Variants in HID1 observed in about 807,000 individuals in gnomAD.
HID1 encodes HID1 domain containing.
Under a neutral mutation model 89.7 loss-of-function variants are expected in HID1, and 42 were observed. That is an observed-to-expected ratio of 0.47 (90% CI 0.37 to 0.61). The LOEUF is 0.61. HID1 is among the 20% of genes least tolerant of loss of function. HID1 has a pLI of 0.00. For missense variants in HID1, 854 were observed against 1,039.3 expected, an observed-to-expected ratio of 0.82 and a Z score of 2.45; for synonymous variants, 442 against 433.8, an observed-to-expected ratio of 1.02 and a Z score of -0.24.
At chr17:74,971,572 G>C (rs936243081) in intron 1 of HID1, among the ~76,000 whole-genome samples, 1 of 152,184 alleles carries the variant, frequency 6.6e-6, no homozygotes, top group African/African-American at 2.4e-5. Context: ...CCAGCAGCAA[G>C]AGAGAGCCCT....
intron 12 of HID1, chr17:74,957,878 C>T (rs1165324036): frequency 8.9e-6 from 4 of 449,346 alleles, no homozygotes; most frequent in African/African-American, 4.0e-5. Context: ...CCAGCCTGGG[C>T]GACAAGACTG....
At position 74,955,859 on chromosome 17, in the gene HID1, G is replaced by A. The variant is rs775881349; in HGVS notation, c.1569C>T (p.Ala523=). The A allele has an allele frequency of 3.0e-5, 49 of 1,614,060 alleles. No individual in the cohort carries two copies. Among genetic ancestry groups the A allele is most frequent in the Non-Finnish European group, 3.6e-5 (43 of 1,180,038 alleles). ...GGAAGAAGACCAGGTGGTGGTTCTG[G>A]GCGGCAGAGAAGAGGAACCAGGTGG... The part of the protein sequence containing the change: ...FSTTWFLFSA[A]QNHHLVFFLL... The change falls in exon 13 of 19, where the codon GCC becomes GCT. Residue 523 remains alanine, a synonymous_variant. Transcript: ENST00000425042.
chr17:74,963,286 G>A (rs190105830), intron 3 of HID1: 154 of 555,218 alleles, frequency 2.8e-4, no homozygotes, highest in African/African-American at 1.9e-3. Flanking sequence ...CGGGAACAGC[G>A]AGGGAACCTC....
chr17:74,968,706 A>G (rs1335382130), intron 1 of HID1, among the ~76,000 whole-genome samples: 1 of 152,114 alleles, frequency 6.6e-6, no homozygotes, highest in East Asian at 1.9e-4. Context: ...GTAAGGAAGG[A>G]CATCCCAGGA....
At chr17:74,971,379 A>T (rs191281543) in intron 1 of HID1, among the ~76,000 whole-genome samples, 37 of 152,300 alleles carry the variant, frequency 2.4e-4, no homozygotes, top group Admixed American at 5.2e-4. Context: ...GGGAATGGAG[A>T]GAAGTGCGGT....
At chr17:74,951,797 G>A (rs551856082) in intron 18 of HID1, 108 bp downstream of exon 18, 145 of 1,393,444 alleles carry the variant, frequency 1.0e-4, no homozygotes, top group Non-Finnish European at 1.3e-4. Context: ...TTAGTTGACT[G>A]TCTTGACATG....
chr17:74,972,488 G>T lies in HID1; in HGVS notation c.66+103C>A. On this transcript the variant is annotated intron_variant, in intron 1 of 18. Transcript: ENST00000425042. This position sits in a 1 kb window ranked among gnomAD's most constrained non-coding sequence, Gnocchi z 6.4. Reference sequence around the variant, plus strand: ...GGCCTTGGCGTTACGCTCGGGGCCCGCCCGTCCCCCCATCTCCCGACGAGC... The same window carrying T: ...GGCCTTGGCGTTACGCTCGGGGCCCTCCCGTCCCCCCATCTCCCGACGAGC... 4 of 1,117,414 alleles carry T rather than the reference G, an allele frequency of 3.6e-6. No individual in the cohort carries two copies. The highest frequency in any genetic ancestry group is 3.8e-6 in the Non-Finnish European group (3 of 793,336). The allele number at this position is 1,117,414 out of a possible 1,614,324, so 69.2% of individuals were successfully genotyped here.
chr17:74,959,156 G>C lies in HID1; in HGVS notation c.1009-105C>G. The C allele has an allele frequency of 4.6e-6, 6 of 1,316,538 alleles. No homozygotes were observed. Among genetic ancestry groups the C allele is most frequent in the Non-Finnish European group, 6.0e-6 (6 of 995,354 alleles). 81.6% of individuals were successfully genotyped at this position (1,316,538 alleles called of 1,614,324 possible). On this transcript the variant is annotated intron_variant, in intron 8 of 18. Transcript: ENST00000425042. The surrounding 1 kb of genome is among the most constrained non-coding windows in gnomAD (Gnocchi z 4.6). Reference sequence around the variant, plus strand: ...TCCCCCCCTCCATCCCCCAGAGCCAGATCCCACCTCCAGAGCCAGAGGGCC... The same window carrying C: ...TCCCCCCCTCCATCCCCCAGAGCCACATCCCACCTCCAGAGCCAGAGGGCC...
rs746584960 is a variant in HID1, at chr17:74,958,382, C to T, written c.1337G>A (p.Arg446His). 1.6e-5 allele frequency: 25 copies of T among 1,612,298 alleles called. No individual in the cohort carries two copies. The South Asian group carries it at 2.2e-4, about 14-fold the overall frequency. Residue 446 changes from arginine to histidine, a missense_variant, in exon 11 of 19, where the codon CGC becomes CAC. By Grantham distance (29) the Arg-to-His change is conservative. Transcript: ENST00000425042. The surrounding 1 kb of genome is among the most constrained non-coding windows in gnomAD (Gnocchi z 5.2). ...GAAGACTGGGATGTCCATGGGCACG[C>T]GGATTGAGTAGGGTTTGTTCAGCCG... Reference protein sequence around the residue: ...GVRLNKPYSIRVPMDIPVFTG... With the variant: ...GVRLNKPYSIHVPMDIPVFTG...
rs1389882486 is a variant in HID1, at chr17:74,958,302, G to C, written c.1392+25C>G. 4 of 1,611,464 alleles carry C rather than the reference G, an allele frequency of 2.5e-6. No homozygotes were observed. Among genetic ancestry groups the C allele is most frequent in the Non-Finnish European group, 3.4e-6 (4 of 1,179,010 alleles). ...GAGGACACCACCCCTGCACCTCCTGGGCCCGGCCGCACGAGCCCCCTCACC... is the reference window on the plus strand; with the variant it reads ...GAGGACACCACCCCTGCACCTCCTGCGCCCGGCCGCACGAGCCCCCTCACC... On this transcript the variant is annotated intron_variant, in intron 11 of 18. Transcript: ENST00000425042. This position sits in a 1 kb window ranked among gnomAD's most constrained non-coding sequence, Gnocchi z 5.2.
At position 74,955,809 on chromosome 17, in the gene HID1, A is replaced by T. The variant is rs998703655; in HGVS notation, c.1619T>A (p.Ile540Asn). The T allele has an allele frequency of 1.2e-6, 2 of 1,614,098 alleles. No individual in the cohort carries two copies. Among genetic ancestry groups the T allele is most frequent in the Admixed American group, 3.3e-5 (2 of 60,014 alleles). ...FFLLEVFNNI[I>N]QYQFDGNSNL... is the part of the protein sequence containing the mutation. ...TGCCTCACCATCAAACTGGTACTGGATGATGTTGTTGAAGACCTCCAGGAG... is the reference window on the plus strand; with the variant it reads ...TGCCTCACCATCAAACTGGTACTGGTTGATGTTGTTGAAGACCTCCAGGAG... The change falls in exon 13 of 19, where the codon ATC becomes AAC. Residue 540 changes from isoleucine to asparagine, a missense_variant. Transcript: ENST00000425042.
Position 74,972,586 on chromosome 17 carries a change from C to A in HID1, c.66+5G>T. 1.3e-6 allele frequency: 2 copies of A among 1,546,852 alleles called. No individual in the cohort carries two copies. Among genetic ancestry groups the A allele is most frequent in the Non-Finnish European group, 1.7e-6 (2 of 1,144,708 alleles). The stretch of plus-strand genomic sequence containing the variant: ...GATGGGGACGCCGGGGCCCCCGTGG[C>A]GCACCTGCGTCTTGGTGGTGAGCTG... On this transcript the variant is annotated splice_donor_5th_base_variant and intron_variant, in intron 1 of 18. Coordinates refer to ENST00000425042, the MANE Select transcript of HID1 (RefSeq NM_030630.3). The surrounding 1 kb of genome is among the most constrained non-coding windows in gnomAD (Gnocchi z 6.4).
Position 74,963,888 on chromosome 17 carries a change from CCCTGCA to C in HID1, c.233_238del (p.Val78_Gln79del), listed in dbSNP as rs2039522814. On this transcript the variant is annotated inframe_deletion, in exon 3 of 19. Coordinates refer to ENST00000425042, the MANE Select transcript of HID1 (RefSeq NM_030630.3). The stretch of plus-strand genomic sequence containing the variant: ...CTCCGAGTGGCAGCCACTCTCAGCT[CCCTGCA>C]CCAGCTTCTCAACGGCCTGTGGGGG... 6.2e-7 allele frequency: 1 copy of C among 1,613,812 alleles called. No individual in the cohort carries two copies. Among genetic ancestry groups the C allele is most frequent in the South Asian group, 1.1e-5 (1 of 91,088 alleles).
Position 74,959,802 on chromosome 17 carries a change from A to AGG in HID1, c.1008+77_1008+78dup, listed in dbSNP as rs1185241820. 1 of 1,431,760 alleles carries AGG rather than the reference A, an allele frequency of 7.0e-7. No homozygotes were observed. The highest frequency in any genetic ancestry group is 1.4e-5 in the African/African-American group (1 of 71,250). 88.7% of individuals were successfully genotyped at this position (1,431,760 alleles called of 1,614,324 possible). On this transcript the variant is annotated intron_variant, in intron 8 of 18. Transcript: ENST00000425042. The surrounding 1 kb of genome is among the most constrained non-coding windows in gnomAD (Gnocchi z 4.6). ...CACAGAGAGCATGGTTCCTTCATGG[A>AGG]GGGGTCAGGATCCCCCATATCCCTG... is the stretch of plus-strand genomic sequence containing the variant.
chr17:74,966,800 T>C (rs959318836), intron 1 of HID1, among the ~76,000 whole-genome samples: 1 of 151,464 alleles, frequency 6.6e-6, no homozygotes, highest in East Asian at 1.9e-4. Context: ...CTACAAAAAA[T>C]AAAAACAAAT....
At chr17:74,966,162 G>A (rs189961001) in intron 1 of HID1, among the ~76,000 whole-genome samples, 1 of 150,316 alleles carries the variant, frequency 6.7e-6, no homozygotes, top group African/African-American at 2.4e-5. Flanking sequence ...ACGGGTGCCT[G>A]TAATCCCAGC....
At chr17:74,964,391 C>T (rs540586444) in intron 2 of HID1, 92 bp downstream of exon 2, 3 of 1,407,140 alleles carry the variant, frequency 2.1e-6, no homozygotes, top group East Asian at 5.0e-5. Context: ...GCTGCCTGCC[C>T]CTGTGGGGCG....
rs1483393077 is a variant in HID1, at chr17:74,950,794, G to A, written c.*776C>T. ...AGGCCGATTGTACAGAGCAAAGATT[G>A]TTCTGACACGGGGGGCTGGGTGGTG... On this transcript the variant is annotated 3_prime_UTR_variant, in exon 19 of 19. Transcript: ENST00000425042. 6.6e-6 allele frequency: 1 copy of A among 152,440 alleles called. No homozygotes were observed. The highest frequency in any genetic ancestry group is 1.9e-4 in the East Asian group (1 of 5,200). The allele number at this position is 152,440 out of a possible 1,614,324, so 9.4% of individuals were successfully genotyped here.
chr17:74,954,394 G>A (rs760205914), intron 13 of HID1, 29 bp from the exon 14 acceptor site: 2 of 1,551,026 alleles, frequency 1.3e-6, no homozygotes, highest in Non-Finnish European at 8.7e-7. Context: ...CCTCGCCTCA[G>A]GGAGGCCCCC....
Sources: allele counts gnomAD v4.1 joint callset (sites outside exome capture counted in the v4.1 genomes callset), GRCh38; gene constraint gnomAD v4.1.1; non-coding constraint Gnocchi (gnomAD v3.1); transcripts MANE v1.5; gene names NCBI Gene and HGNC (gene_info 2026-07-23, HGNC 2026-07-21).